SVIL: variants seen among roughly 807,000 people sequenced by gnomAD.
SVIL encodes the protein archvillin.
A neutral mutation model predicts 240.4 loss-of-function variants in SVIL; 101 were observed. That is an observed-to-expected ratio of 0.42 (90% CI 0.36 to 0.50). The LOEUF (loss-of-function observed/expected upper bound fraction) is 0.50. Ranked by LOEUF, SVIL falls within the 20% of genes least tolerant of loss-of-function variation. The pLI, the probability that SVIL is intolerant of heterozygous loss-of-function variation, is 0.01. For synonymous variants in SVIL, 999 were observed against 1,100.0 expected (o/e 0.91, Z 1.82); for missense variants, 2,512 against 2,818.7 (o/e 0.89, Z 2.46).
chr10:29,637,061 G>C (rs536070930), upstream of SVIL, among the ~76,000 whole-genome samples: 1 of 152,026 alleles, frequency 6.6e-6, no homozygotes, highest in African/African-American at 2.4e-5. Flanking sequence ...CTCCCACTTC[G>C]GCCTTCTTAA....
Position 29,533,115 on chromosome 10 carries a change from G to A in SVIL, c.1252C>T (p.Pro418Ser). ...TTTGACTCGCAGACATGGAGAACTG[G>A]GCTATCCCTTCCGTCACCTTCTAGA... ...TVLEGDGRDS[P>S]VLHVCESKAE... The change falls in exon 8 of 38, where the codon CCA becomes TCA. Residue 418 changes from proline (P) to serine (S), a missense_variant. Around this residue, in one of 3 missense-constraint regions of SVIL, gnomAD observed 1,443 missense variants for 1,486.6 expected, o/e 0.97. Coordinates refer to ENST00000355867, the MANE Select transcript of SVIL (RefSeq NM_021738.3). 1 of 1,613,994 alleles carries A rather than the reference G, an allele frequency of 6.2e-7. No individual in the cohort carries two copies.
chr10:29,605,335 G>T (rs1473296724), intron 1 of SVIL, among the ~76,000 whole-genome samples: 2 of 152,112 alleles, frequency 1.3e-5, no homozygotes, highest in African/African-American at 4.8e-5. Context: ...CTGTCAAATC[G>T]CACCAGTTTA....
chr10:29,607,671 C>T (rs915741003), intron 1 of SVIL, among the ~76,000 whole-genome samples: 1 of 152,198 alleles, frequency 6.6e-6, no homozygotes, highest in Non-Finnish European at 1.5e-5. Flanking sequence ...TTTGGAGGTA[C>T]AGCTTTCCAC....
At chr10:29,474,495 T>A (rs1035438665) in intron 29 of SVIL, among the ~76,000 whole-genome samples, 1 of 152,022 alleles carries the variant, frequency 6.6e-6, no homozygotes. Context: ...CTTGGGAGAC[T>A]GAGGCAGGAG....
Position 29,532,841 on chromosome 10 carries a change from C to T in SVIL, c.1526G>A (p.Arg509Lys). 3 of 1,614,160 alleles carry T rather than the reference C, an allele frequency of 1.9e-6. No homozygotes were observed. The highest frequency in any genetic ancestry group is 1.1e-5 in the South Asian group (1 of 91,078). Residue 509 changes from arginine to lysine, a missense_variant, in exon 8 of 38, where the codon AGG becomes AAG. Arg to Lys is a conservative substitution (Grantham distance 26). This residue lies in a region of SVIL where 1,443 missense variants were observed against 1,486.6 expected (regional missense o/e 0.97). Coordinates refer to ENST00000355867, the MANE Select transcript of SVIL (RefSeq NM_021738.3). ...PPQAPHQPTE[R>K]TGRSEMVLYI... ...GAGAACCATCTCGCTCCTGCCTGTC[C>T]TCTCAGTGGGCTGGTGCGGAGCTTG...
intron 6 of SVIL, among the ~76,000 whole-genome samples, chr10:29,550,371 G>A (rs563048752): frequency 1.7e-4 from 26 of 151,810 alleles, no homozygotes; most frequent in African/African-American, 6.3e-4. Context: ...GAGCCCAGGA[G>A]TTCCAGGCTG....
In SVIL at chr10:29,526,852, G is replaced by A. The variant is rs893496747; in HGVS notation, c.2342+109C>T. The A allele has an allele frequency of 2.2e-5, 20 of 901,358 alleles. 1 individual carries two copies. The highest frequency in any genetic ancestry group is 6.0e-5 in the South Asian group (3 of 49,758). The allele number at this position is 901,358 out of a possible 1,614,324, so 55.8% of individuals were successfully genotyped here. A position where few individuals can be genotyped will look rare whatever the true frequency, so the allele number is the denominator to read the frequency against. On this transcript the variant is annotated intron_variant, in intron 13 of 37. Transcript: ENST00000355867. ...TGCCACGCATTCTGGAACAACTCAC[G>A]GCATTGACTTGTTTGTCAAACAAAC...
rs555238975 is a variant in SVIL at position 29,546,654 on chromosome 10, C to T, written c.827+3943G>A. Among the ~76,000 whole-genome samples the T allele has an allele frequency of 9.9e-5, 15 of 152,172 alleles. No individual in the cohort carries two copies. The South Asian group carries it at 1.2e-3, about 13-fold the overall frequency. On this transcript the variant is annotated intron_variant, in intron 6 of 37. Coordinates refer to ENST00000355867, the MANE Select transcript of SVIL (RefSeq NM_021738.3). ...ACAGATGTGTACAGGTGTTAATGTA[C>T]GTGAGCACATTCAAAAACTGAGCAT...
At chr10:29,704,806 CCTACCTA>C (rs111806325) in intron 1 of SVIL, among the ~76,000 whole-genome samples, 2,085 of 152,218 alleles carry the variant, frequency 0.014, 43 homozygotes, top group African/African-American at 0.047. Flanking sequence ...TGACTCAAGC[CCTACCTA>C]ATCTCCCAAA....
chr10:29,526,828 G>A, intron 13 of SVIL, 133 bp downstream of exon 13: 1 of 729,648 alleles, frequency 1.4e-6, no homozygotes, highest in South Asian at 2.3e-5. Flanking sequence ...AAAACAAAAT[G>A]CCACGCATTC....
chr10:29,644,022 A>G (rs760821163), intron 3 of SVIL: 1 of 518,536 alleles, frequency 1.9e-6, no homozygotes, highest in Non-Finnish European at 3.9e-6. Flanking sequence ...TCTTGAGAGT[A>G]ATCAGAGATG....
chr10:29,712,213 C>T (rs78337491), intron 1 of SVIL, among the ~76,000 whole-genome samples: 7,760 of 152,106 alleles, frequency 0.051, 279 homozygotes, highest in South Asian at 0.16. Context: ...GATATTCGAC[C>T]CTTTGGAACA....
intron 1 of SVIL, among the ~76,000 whole-genome samples, chr10:29,580,732 A>T (rs1955907565): frequency 6.6e-6 from 1 of 152,116 alleles, no homozygotes; most frequent in Non-Finnish European, 1.5e-5. Flanking sequence ...AGTGGTACAA[A>T]CACGGCTCAT....
intron 17 of SVIL, among the ~76,000 whole-genome samples, chr10:29,506,164 A>C (rs1425905860): frequency 6.6e-6 from 1 of 152,176 alleles, no homozygotes; most frequent in Non-Finnish European, 1.5e-5. Context: ...GAAGAGATGA[A>C]GGGCCGACTG....
At chr10:29,598,947 G>GC (rs1040326309) in intron 1 of SVIL, among the ~76,000 whole-genome samples, 18 of 152,290 alleles carry the variant, frequency 1.2e-4, no homozygotes, top group African/African-American at 4.3e-4. Flanking sequence ...GCACAGGCCA[G>GC]CCCAGCCAAC....
At chr10:29,587,514 C>A (rs1390776115) in intron 1 of SVIL, among the ~76,000 whole-genome samples, 2 of 152,346 alleles carry the variant, frequency 1.3e-5, no homozygotes, top group East Asian at 3.9e-4. Flanking sequence ...CAAGGCCGCA[C>A]TGGGACTCCA....
chr10:29,712,794 G>A (rs1418081015), intron 1 of SVIL, among the ~76,000 whole-genome samples: 4 of 152,332 alleles, frequency 2.6e-5, no homozygotes, highest in African/African-American at 9.6e-5. Context: ...CGGAAGGTTA[G>A]TGGTACTAGT....
At chr10:29,691,984 A>G (rs1325790464) in intron 1 of SVIL, among the ~76,000 whole-genome samples, 2 of 152,192 alleles carry the variant, frequency 1.3e-5, no homozygotes, top group Non-Finnish European at 2.9e-5. Flanking sequence ...TGGATCAGCC[A>G]ATAAGCAACT....
At chr10:29,689,677 A>G (rs764501769) in intron 1 of SVIL, among the ~76,000 whole-genome samples, 1 of 152,230 alleles carries the variant, frequency 6.6e-6, no homozygotes, top group Non-Finnish European at 1.5e-5. Context: ...AATCCCTACA[A>G]ATGATGGGCT....
Sources: gnomAD v4.1 joint callset for allele counts (sites outside exome capture counted in the v4.1 genomes callset) on GRCh38, gnomAD v4.1.1 for gene constraint, gnomAD v4.1.1 regional missense constraint, MANE v1.5 for transcripts, NCBI Gene and HGNC (gene_info 2026-07-23, HGNC 2026-07-21) for gene names.